Variants in MTMR7 observed in about 807,000 individuals in gnomAD.
The protein encoded by MTMR7 is phosphatidylinositol-3-phosphate phosphatase MTMR7.
In MTMR7, 76 loss-of-function variants were observed where a neutral mutation model predicts 81.2. The observed-to-expected ratio is 0.94, with a 90% CI of 0.78 to 1.13. The LOEUF (loss-of-function observed/expected upper bound fraction) is 1.13. MTMR7 is among the 50% of genes most tolerant of loss of function. The pLI, the probability that MTMR7 is intolerant of heterozygous loss-of-function variation, is 0.00. For missense variants in MTMR7, 1,044 were observed against 820.0 expected (o/e 1.27, Z -3.34); for synonymous variants, 372 against 289.8 (o/e 1.28, Z -2.88).
intron 5 of MTMR7, among the ~76,000 whole-genome samples, chr8:17,342,595 C>A (rs777094120): frequency 1.3e-5 from 2 of 152,070 alleles, no homozygotes; most frequent in Admixed American, 1.3e-4. Flanking sequence ...CTTGGGTGCT[C>A]CTTGTTGGAG....
intron 1 of MTMR7, among the ~76,000 whole-genome samples, chr8:17,401,154 T>C (rs1224195093): frequency 6.6e-6 from 1 of 152,172 alleles, no homozygotes; most frequent in Non-Finnish European, 1.5e-5. Context: ...GAAAAAATGC[T>C]ATGGAGAAAA....
At chr8:17,311,307 C>T (rs1335452395) in intron 9 of MTMR7, among the ~76,000 whole-genome samples, 1 of 152,080 alleles carries the variant, frequency 6.6e-6, no homozygotes, top group Non-Finnish European at 1.5e-5. Flanking sequence ...TTTCAATATC[C>T]CAGAAATTCA....
intron 4 of MTMR7, among the ~76,000 whole-genome samples, chr8:17,351,570 G>C (rs573238320): frequency 1.3e-4 from 20 of 152,330 alleles, no homozygotes; most frequent in African/African-American, 4.8e-4. Context: ...CATGTGCCAG[G>C]ACAAAGAGCT....
chr8:17,300,318 G>T, intron 13 of MTMR7, 94 bp from the exon 14 acceptor site: 1 of 1,311,740 alleles, frequency 7.6e-7, no homozygotes, highest in Non-Finnish European at 1.0e-6. Flanking sequence ...CTCCCACGTG[G>T]GTATAATGTT....
chr8:17,316,505 G>A (rs1818081971), intron 7 of MTMR7, among the ~76,000 whole-genome samples: 1 of 149,962 alleles, frequency 6.7e-6, no homozygotes, highest in African/African-American at 2.5e-5. Context: ...CTTGTGGAAA[G>A]TCTCCCTGTA....
At chr8:17,411,422 G>C (rs1563387535) in intron 1 of MTMR7, among the ~76,000 whole-genome samples, 1 of 152,090 alleles carries the variant, frequency 6.6e-6, no homozygotes, top group Non-Finnish European at 1.5e-5. Flanking sequence ...ATTTACAACT[G>C]CCTCCCCTTA....
At chr8:17,362,562 G>C (rs987106665) in intron 3 of MTMR7, among the ~76,000 whole-genome samples, 1 of 152,172 alleles carries the variant, frequency 6.6e-6, no homozygotes, top group Non-Finnish European at 1.5e-5. Context: ...AGTTACCGGA[G>C]AGTCCAGGTT....
At chr8:17,360,564 C>T (rs762502696) in intron 4 of MTMR7, among the ~76,000 whole-genome samples, 27 of 151,546 alleles carry the variant, frequency 1.8e-4, no homozygotes, top group South Asian at 1.5e-3. Flanking sequence ...AGTGAAACCA[C>T]CCCTGATCTG....
intron 13 of MTMR7, 166 bp downstream of exon 13, chr8:17,301,988 G>T: frequency 2.4e-6 from 2 of 829,578 alleles, no homozygotes; most frequent in Non-Finnish European, 3.6e-6. Context: ...CTAGGTTTGG[G>T]CTTCGGTTAT....
intron 4 of MTMR7, among the ~76,000 whole-genome samples, chr8:17,356,669 G>A (rs1054653279): frequency 2.6e-5 from 4 of 151,980 alleles, no homozygotes; most frequent in East Asian, 1.9e-4. Flanking sequence ...AGCTGAGATC[G>A]CCCCACTGTA....
chr8:17,342,023 C>T (rs569388532), intron 5 of MTMR7, among the ~76,000 whole-genome samples: 2 of 151,990 alleles, frequency 1.3e-5, no homozygotes, highest in African/African-American at 4.8e-5. Context: ...CAGGTTGCTG[C>T]TAGGTTTGAA....
chr8:17,378,349 T>TG (rs1820654046), intron 1 of MTMR7, among the ~76,000 whole-genome samples: 1 of 152,210 alleles, frequency 6.6e-6, no homozygotes, highest in Non-Finnish European at 1.5e-5. Flanking sequence ...CAGAAAGCAC[T>TG]GTTCAGGGAC....
intron 1 of MTMR7, among the ~76,000 whole-genome samples, chr8:17,392,778 G>A: frequency 6.6e-6 from 1 of 152,242 alleles, no homozygotes; most frequent in East Asian, 1.9e-4. Flanking sequence ...GAAACTCATT[G>A]TGCAGCAGGG....
At chr8:17,403,408 G>T (rs1465371109) in intron 1 of MTMR7, among the ~76,000 whole-genome samples, 6 of 152,086 alleles carry the variant, frequency 3.9e-5, no homozygotes, top group Non-Finnish European at 1.5e-5. Flanking sequence ...TTTGTTTCTG[G>T]GTTTCTTTTT....
chr8:17,339,871 G>A (rs899213500), intron 6 of MTMR7, among the ~76,000 whole-genome samples: 4 of 152,064 alleles, frequency 2.6e-5, no homozygotes, highest in East Asian at 3.9e-4. Flanking sequence ...TCTAACTTAC[G>A]AAGTGAAAAG....
intron 3 of MTMR7, among the ~76,000 whole-genome samples, chr8:17,367,990 T>TA (rs1432728516): frequency 6.6e-6 from 1 of 152,048 alleles, no homozygotes; most frequent in African/African-American, 2.4e-5. Context: ...TCTTCTTATG[T>TA]AAAAAACAAC....
intron 4 of MTMR7, among the ~76,000 whole-genome samples, chr8:17,349,849 G>C (rs1819675414): frequency 6.6e-6 from 1 of 152,184 alleles, no homozygotes. Context: ...TTAAGAACCA[G>C]AAATCAGCAG....
At chr8:17,392,116 T>C (rs1276277481) in intron 1 of MTMR7, among the ~76,000 whole-genome samples, 1 of 152,158 alleles carries the variant, frequency 6.6e-6, no homozygotes, top group Non-Finnish European at 1.5e-5. Flanking sequence ...GTCAAGAGGT[T>C]TAATTTCAAG....
intron 6 of MTMR7, among the ~76,000 whole-genome samples, chr8:17,339,677 T>C (rs1819350011): frequency 6.6e-6 from 1 of 152,240 alleles, no homozygotes. Context: ...GTTATTTACA[T>C]TTTAGGCTAT....
Sources: allele counts gnomAD v4.1 joint callset (sites outside exome capture counted in the v4.1 genomes callset), GRCh38; gene constraint gnomAD v4.1.1; transcripts MANE v1.5; gene names NCBI Gene and HGNC (gene_info 2026-07-23, HGNC 2026-07-21).